Variants in KCNIP1 observed in about 807,000 individuals in gnomAD.
The protein encoded by KCNIP1 is potassium voltage-gated channel interacting protein 1.
A neutral mutation model predicts 33.0 loss-of-function variants in KCNIP1; 18 were observed. That is an observed-to-expected ratio of 0.55 (90% CI 0.38 to 0.81). The LOEUF (loss-of-function observed/expected upper bound fraction) is 0.81. Among genes scored for constraint, KCNIP1 ranks in the 30% least tolerant of loss-of-function variants. The pLI is 0.00. For missense variants in KCNIP1, 238 were observed against 271.6 expected, an observed-to-expected ratio of 0.88 and a Z score of 0.87; for synonymous variants, 93 against 98.3, an observed-to-expected ratio of 0.95 and a Z score of 0.32.
At chr5:170,553,542 G>A (rs1756732649) in intron 1 of KCNIP1, among the ~76,000 whole-genome samples, 1 of 152,200 alleles carries the variant, frequency 6.6e-6, no homozygotes, top group Non-Finnish European at 1.5e-5. Context: ...TTGTTCATGA[G>A]CTGGCACAGT....
At chr5:170,698,745 G>T (rs872435) in intron 1 of KCNIP1, among the ~76,000 whole-genome samples, 34,186 of 152,026 alleles carry the variant, frequency 0.22, 5,221 homozygotes, top group East Asian at 0.81. Flanking sequence ...GGTAGAAAAA[G>T]ATTGTTAGTC....
At chr5:170,616,477 A>G (rs1209469730) in intron 1 of KCNIP1, among the ~76,000 whole-genome samples, 1 of 152,122 alleles carries the variant, frequency 6.6e-6, no homozygotes, top group Non-Finnish European at 1.5e-5. Context: ...CATGCTTCTC[A>G]TTTTGAAATA....
intron 1 of KCNIP1, among the ~76,000 whole-genome samples, chr5:170,634,364 C>A (rs879889380): frequency 6.6e-6 from 1 of 152,148 alleles, no homozygotes; most frequent in Non-Finnish European, 1.5e-5. Flanking sequence ...ACCCCTGCAC[C>A]CCTGAGTTGC....
intron 1 of KCNIP1, chr5:170,680,771 T>C (rs1762311157): frequency 3.9e-6 from 1 of 256,766 alleles, no homozygotes; most frequent in East Asian, 6.9e-5. Flanking sequence ...TTGCCAGTGA[T>C]GGTTACACTC....
chr5:170,712,728 G>C (rs151140007), intron 1 of KCNIP1: 7 of 863,486 alleles, frequency 8.1e-6, no homozygotes, highest in Non-Finnish European at 1.4e-5. Context: ...CTACTGAGAG[G>C]CTCTTCGCAT....
chr5:170,377,703 G>T (rs558586661), intron 1 of KCNIP1: 41 of 152,180 alleles, frequency 2.7e-4, no homozygotes, highest in African/African-American at 9.4e-4. Flanking sequence ...CTCCTGAGTA[G>T]CTGGGACCAC....
At chr5:170,606,064 C>G (rs1758905303) in intron 1 of KCNIP1, among the ~76,000 whole-genome samples, 1 of 152,152 alleles carries the variant, frequency 6.6e-6, no homozygotes, top group Non-Finnish European at 1.5e-5. Flanking sequence ...CGTGAGCCAC[C>G]ACGCCTGGCC....
intron 1 of KCNIP1, among the ~76,000 whole-genome samples, chr5:170,473,971 G>A (rs1756793937): frequency 1.3e-5 from 2 of 152,172 alleles, no homozygotes; most frequent in South Asian, 2.1e-4. Flanking sequence ...ACTGCGTTGG[G>A]CGTCAGGACA....
At chr5:170,641,309 T>C (rs10040371) in intron 1 of KCNIP1, among the ~76,000 whole-genome samples, 47,563 of 152,030 alleles carry the variant, frequency 0.31, 9,550 homozygotes, top group African/African-American at 0.58. Flanking sequence ...AAGAGAGTCA[T>C]GCAGCAGCCC....
intron 1 of KCNIP1, among the ~76,000 whole-genome samples, chr5:170,517,601 G>A (rs1755178206): frequency 6.9e-6 from 1 of 145,330 alleles, no homozygotes; most frequent in African/African-American, 2.5e-5. Flanking sequence ...TGGTAGTGAT[G>A]GTGATGATGA....
intron 1 of KCNIP1, among the ~76,000 whole-genome samples, chr5:170,661,722 A>T (rs1300874437): frequency 6.6e-6 from 1 of 152,200 alleles, no homozygotes; most frequent in Non-Finnish European, 1.5e-5. Flanking sequence ...ACATAAAATC[A>T]TATCATTCAC....
At chr5:170,686,224 A>G (rs1581499903) in intron 1 of KCNIP1, among the ~76,000 whole-genome samples, 1 of 152,210 alleles carries the variant, frequency 6.6e-6, no homozygotes, top group African/African-American at 2.4e-5. Flanking sequence ...TAGGTACATA[A>G]TATTTCTCTC....
rs1225882477 is a variant in KCNIP1 at position 170,488,714 on chromosome 5, C to T, written c.88+134750C>T. On this transcript the variant is annotated intron_variant, in intron 1 of 7. Coordinates refer to the KCNIP1 transcript ENST00000377360. ...CAAGGAAGGCTCCCTGGGGGAGAGG[C>T]CGCATGACATGAGCGAAGCCAAGAG... 2.0e-5 allele frequency among the ~76,000 whole-genome samples: 3 copies of T among 152,094 alleles called. No homozygotes were observed. In the South Asian group the frequency reaches 6.2e-4, roughly 32 times the overall value.
Position 170,369,113 on chromosome 5 carries a change from A to G in KCNIP1, c.88+15149A>G, listed in dbSNP as rs551422651. ...GGGAAATAAAGGAGCAGTGTAGTAT[A>G]GTATTTAAGGGCATAAATTCTGCAT... On this transcript the variant is annotated intron_variant, in intron 1 of 7. Coordinates refer to the KCNIP1 transcript ENST00000377360. Among the ~76,000 whole-genome samples the G allele has an allele frequency of 7.9e-5, 12 of 152,368 alleles. No individual in the cohort carries two copies. In the South Asian group the frequency reaches 2.3e-3, roughly 29 times the overall value.
intron 1 of KCNIP1, among the ~76,000 whole-genome samples, chr5:170,589,794 T>TGTGGTGTGCGGTGCG (rs1554103003): frequency 3.5e-5 from 4 of 113,164 alleles, no homozygotes; most frequent in Non-Finnish European, 7.8e-5. Context: ...TGTGATGTGG[T>TGTGGTGTGCGGTGCG]GTGCGGTGCG....
intron 1 of KCNIP1, among the ~76,000 whole-genome samples, chr5:170,427,169 C>A (rs1755633413): frequency 6.6e-6 from 1 of 152,214 alleles, no homozygotes; most frequent in Admixed American, 6.5e-5. Context: ...ATAATAGCAT[C>A]CTCCTCTGCA....
At chr5:170,444,874 A>G (rs1201582225) in intron 1 of KCNIP1, among the ~76,000 whole-genome samples, 3 of 152,114 alleles carry the variant, frequency 2.0e-5, no homozygotes, top group Admixed American at 2.0e-4. Context: ...GAGCAGAAAT[A>G]AAACCCCCTC....
intron 1 of KCNIP1, among the ~76,000 whole-genome samples, chr5:170,513,318 A>C (rs1755009621): frequency 6.6e-6 from 1 of 152,224 alleles, no homozygotes; most frequent in Admixed American, 6.5e-5. Context: ...ACACAGCTCA[A>C]GTGTTAGGCC....
At chr5:170,670,730 T>TA (rs1300272973) in intron 1 of KCNIP1, among the ~76,000 whole-genome samples, 1 of 151,908 alleles carries the variant, frequency 6.6e-6, no homozygotes, top group Non-Finnish European at 1.5e-5. Context: ...CCATCTCTAC[T>TA]AAAATACAAA....
Sources: allele counts gnomAD v4.1 joint callset (sites outside exome capture counted in the v4.1 genomes callset), GRCh38; gene constraint gnomAD v4.1.1; transcripts MANE v1.5; gene names NCBI Gene and HGNC (gene_info 2026-07-23, HGNC 2026-07-21).